Variants in DOCK1 observed in about 807,000 individuals in gnomAD.
The protein encoded by DOCK1 is dedicator of cytokinesis 1.
Under a neutral mutation model 262.7 loss-of-function variants are expected in DOCK1, and 138 were observed. The ratio of observed to expected loss-of-function variants is 0.53; its 90% CI spans 0.46 to 0.61. DOCK1 has a LOEUF of 0.61. DOCK1 is among the 20% of genes least tolerant of loss of function. DOCK1 has a pLI of 0.00. For missense variants in DOCK1, 1,908 were observed against 2,370.7 expected (o/e 0.80, Z 4.05); for synonymous variants, 866 against 867.4 (o/e 1.00, Z 0.03).
Position 127,175,600 on chromosome 10 carries a change from G to A in DOCK1, c.2847+47836G>A, listed in dbSNP as rs1233262668. 8.1e-6 allele frequency: 13 copies of A among 1,612,530 alleles called. No individual in the cohort carries two copies. The highest frequency in any genetic ancestry group is 1.1e-5 in the Non-Finnish European group (13 of 1,179,920). ...GCAGAGTCTGACAAACCAGGCTCGG[G>A]GGCCCTGGCACTGAGGGCAGGTGCG... On this transcript the variant is annotated intron_variant, in intron 27 of 51. Coordinates refer to ENST00000623213, the MANE Select transcript of DOCK1 (RefSeq NM_001290223.2). The surrounding 1 kb of genome is among the most constrained non-coding windows in gnomAD (Gnocchi z 6.3).
At chr10:127,409,665 G>A (rs180709088) in intron 42 of DOCK1, among the ~76,000 whole-genome samples, 47 of 152,264 alleles carry the variant, frequency 3.1e-4, no homozygotes, top group African/African-American at 1.1e-3. Context: ...AGTGGAGGCC[G>A]TCTGGTCTCC....
rs1240941976 is a variant in DOCK1, at chr10:127,408,418, G to A, written c.4123-619G>A. Among the ~76,000 whole-genome samples, 16 of 152,290 alleles carry A rather than the reference G, an allele frequency of 1.1e-4. 1 individual carries two copies. In the South Asian group the frequency reaches 2.1e-3, roughly 20 times the overall value. ...AGGGAAGTCCTGCTCTCCGTCCATC[G>A]CCAGTCACTCACTCGGGGGAGGCCA... On this transcript the variant is annotated intron_variant, in intron 40 of 51. Coordinates refer to ENST00000623213, the MANE Select transcript of DOCK1 (RefSeq NM_001290223.2).
At chr10:127,059,415 T>C (rs1385806869) in intron 22 of DOCK1, among the ~76,000 whole-genome samples, 2 of 152,182 alleles carry the variant, frequency 1.3e-5, no homozygotes, top group African/African-American at 4.8e-5. Flanking sequence ...CCTCCTTTTC[T>C]CCTGGCACTT....
chr10:126,929,717 G>A (rs2034038857), intron 1 of DOCK1, among the ~76,000 whole-genome samples: 2 of 152,116 alleles, frequency 1.3e-5, no homozygotes, highest in African/African-American at 2.4e-5. Context: ...AGGGACCATT[G>A]CGGGGAGGGG....
chr10:127,137,996 T>G, intron 27 of DOCK1: 1 of 1,611,094 alleles, frequency 6.2e-7, no homozygotes, highest in African/African-American at 1.3e-5. Context: ...GTTTGTCTTC[T>G]TGCTGCTTAA....
intron 32 of DOCK1, among the ~76,000 whole-genome samples, chr10:127,358,243 G>T (rs1207816353): frequency 6.6e-6 from 1 of 151,992 alleles, no homozygotes; most frequent in African/African-American, 2.4e-5. Flanking sequence ...CCTCCTCCTT[G>T]CCCAGCCTCA....
intron 27 of DOCK1, among the ~76,000 whole-genome samples, chr10:127,196,538 A>G (rs1465604591): frequency 6.9e-6 from 1 of 144,954 alleles, no homozygotes; most frequent in African/African-American, 2.5e-5. Flanking sequence ...GGGCGCCCCA[A>G]GCCGCGCGCC....
At chr10:127,082,954 CTCTTCCTG>C (rs2046993182) in intron 23 of DOCK1, among the ~76,000 whole-genome samples, 1 of 152,164 alleles carries the variant, frequency 6.6e-6, no homozygotes, top group African/African-American at 2.4e-5. Flanking sequence ...AAGGCCTGTT[CTCTTCCTG>C]TCTTCCAGGA....
chr10:127,030,669 A>G (rs1222972831), intron 16 of DOCK1, among the ~76,000 whole-genome samples: 2 of 152,224 alleles, frequency 1.3e-5, no homozygotes, highest in Non-Finnish European at 1.5e-5. Flanking sequence ...GTTGGGCACC[A>G]GGCTCTATTT....
At chr10:127,365,542 G>A (rs748492883) in intron 33 of DOCK1, among the ~76,000 whole-genome samples, 1 of 152,174 alleles carries the variant, frequency 6.6e-6, no homozygotes, top group Non-Finnish European at 1.5e-5. Context: ...TAAAGAATCA[G>A]GTTAAGGGGG....
chr10:127,397,884 C>A (rs1270673631), intron 38 of DOCK1, among the ~76,000 whole-genome samples: 3 of 152,094 alleles, frequency 2.0e-5, no homozygotes, highest in African/African-American at 7.2e-5. Context: ...ATGTCCTGGG[C>A]AGTGACTCCT....
chr10:127,024,622 G>A (rs3818880), intron 14 of DOCK1, 63 bp from the exon 15 acceptor site: 497,211 of 1,360,852 alleles, frequency 0.37, 92,322 homozygotes, highest in East Asian at 0.42. Flanking sequence ...TATATAGTGG[G>A]AGATGTATAT....
intron 16 of DOCK1, 51 bp downstream of exon 16, chr10:127,026,475 G>A (rs1028460545): frequency 1.3e-6 from 2 of 1,529,192 alleles, no homozygotes; most frequent in Non-Finnish European, 1.8e-6. Flanking sequence ...GGAGAACTGG[G>A]GGAAAGCGCG....
At chr10:127,008,610 A>C (rs1029531091) in intron 10 of DOCK1, 122 bp from the exon 11 acceptor site, 44 of 830,274 alleles carry the variant, frequency 5.3e-5, no homozygotes, top group Non-Finnish European at 8.7e-5. Context: ...TTTAGACTTG[A>C]CTATGAGAAA....
At chr10:127,416,040 G>C (rs1427640821) in intron 44 of DOCK1, among the ~76,000 whole-genome samples, 2 of 152,276 alleles carry the variant, frequency 1.3e-5, no homozygotes, top group East Asian at 3.9e-4. Context: ...TTGTCTCTAG[G>C]GGCCGGCATC....
At chr10:127,347,179 A>C (rs1341587947) in intron 31 of DOCK1, among the ~76,000 whole-genome samples, 6 of 152,276 alleles carry the variant, frequency 3.9e-5, no homozygotes, top group Non-Finnish European at 7.3e-5. Context: ...AGGCACATAC[A>C]GTGCCTAGAA....
At chr10:127,015,489 C>T (rs576142355) in intron 12 of DOCK1, among the ~76,000 whole-genome samples, 15 of 152,296 alleles carry the variant, frequency 9.8e-5, no homozygotes, top group African/African-American at 2.4e-4. Context: ...CCTGCCTCTT[C>T]GGGGCTCTTC....
chr10:127,125,398 G>T (rs879706172), intron 25 of DOCK1, 76 bp from the exon 26 acceptor site: 68 of 1,591,254 alleles, frequency 4.3e-5, no homozygotes, highest in Non-Finnish European at 5.2e-5. Flanking sequence ...GCTTGAAAGG[G>T]CAGACAAGCT....
In DOCK1 at chr10:127,261,957, C is replaced by T. The variant is rs531438459; in HGVS notation, c.3044+4528C>T. 3.4e-3 allele frequency among the ~76,000 whole-genome samples: 364 copies of T among 108,532 alleles called. 12 individuals are homozygous for T. Among genetic ancestry groups the T allele is most frequent in the African/African-American group, 0.011 (306 of 26,742 alleles). 71.2% of individuals were successfully genotyped at this position (108,532 alleles called of 152,430 possible). ...GCATGTGGGTGTGTGTGTGTGTACC[C>T]GTGCTCCTCTGTGTGCATGTGGGTG... On this transcript the variant is annotated intron_variant, in intron 29 of 51. Coordinates refer to ENST00000623213, the MANE Select transcript of DOCK1 (RefSeq NM_001290223.2).
Sources: allele counts gnomAD v4.1 joint callset (sites outside exome capture counted in the v4.1 genomes callset), GRCh38; gene constraint gnomAD v4.1.1; non-coding constraint Gnocchi (gnomAD v3.1); transcripts MANE v1.5; gene names NCBI Gene and HGNC (gene_info 2026-07-23, HGNC 2026-07-21).